GRAMD1A: variants seen among roughly 807,000 people sequenced by gnomAD.
GRAMD1A encodes protein Aster-A.
In GRAMD1A, 50 loss-of-function variants were observed where a neutral mutation model predicts 92.0. The ratio of observed to expected loss-of-function variants is 0.54; its 90% CI spans 0.43 to 0.69. The LOEUF is 0.69. Among genes scored for constraint, GRAMD1A ranks in the 30% least tolerant of loss-of-function variants. GRAMD1A has a pLI of 0.00. For synonymous variants in GRAMD1A, 405 were observed against 403.6 expected, an observed-to-expected ratio of 1.00 and a Z score of -0.04; for missense variants, 819 against 978.9, an observed-to-expected ratio of 0.84 and a Z score of 2.18.
At chr19:34,998,298 C>CTTTTTTTT (rs67881737), upstream of GRAMD1A, 4 of 76,932 alleles carry the variant, frequency 5.2e-5, no homozygotes, top group Non-Finnish European at 7.5e-5. Context: ...TATTTTCTTC[C>CTTTTTTTT]TTTTTTTTTT....
At chr19:35,005,607 G>A (rs2014753262) in intron 1 of GRAMD1A, among the ~76,000 whole-genome samples, 1 of 152,132 alleles carries the variant, frequency 6.6e-6, no homozygotes, top group Non-Finnish European at 1.5e-5. Context: ...GATGGCCCAG[G>A]GGAAAAGCAG....
At chr19:35,008,640 TA>T (rs2014995610) in intron 1 of GRAMD1A, among the ~76,000 whole-genome samples, 1 of 152,048 alleles carries the variant, frequency 6.6e-6, no homozygotes, top group African/African-American at 2.4e-5. Flanking sequence ...CCAACATGGT[TA>T]AACCCCATCT....
chr19:35,014,375 A>G lies in GRAMD1A; in HGVS notation c.1057A>G (p.Thr353Ala). Residue 353 changes from threonine (T) to alanine (A), a missense_variant, in exon 10 of 20, where the codon ACT (threonine) becomes GCT (alanine). Transcript: ENST00000317991. ...LTDTSNSSSS[T>A]GEEADLAALL... ...AGACACAAGTAACTCCTCTTCATCC[A>G]CTGGGGAGGAAGGTGAGGCAGGCGG... The G allele has an allele frequency of 6.2e-6, 10 of 1,613,310 alleles. No homozygotes were observed. Among genetic ancestry groups the G allele is most frequent in the Non-Finnish European group, 8.5e-6 (10 of 1,179,308 alleles).
intron 1 of GRAMD1A, chr19:35,002,825 T>C (rs1271660853): frequency 6.6e-6 from 1 of 152,412 alleles, no homozygotes; most frequent in Non-Finnish European, 1.5e-5. Context: ...CCTGGGACTA[T>C]GTATGTGTCA....
At chr19:35,023,366 T>C in intron 18 of GRAMD1A, 23 bp downstream of exon 18, 1 of 1,613,694 alleles carries the variant, frequency 6.2e-7, no homozygotes, top group East Asian at 2.2e-5. Flanking sequence ...CCTGGGGAAA[T>C]GGGGGGGCTT....
chr19:35,004,247 T>C (rs2014633143), intron 1 of GRAMD1A, among the ~76,000 whole-genome samples: 1 of 152,014 alleles, frequency 6.6e-6, no homozygotes, highest in African/African-American at 2.4e-5. Context: ...ATTTTGCCAC[T>C]GTACTGCAGC....
rs751797022 is a variant in GRAMD1A, at chr19:35,023,251, C to T, written c.1869C>T (p.Ile623=). 1.8e-5 allele frequency: 29 copies of T among 1,613,614 alleles called. No homozygotes were observed. In the Admixed American group the frequency reaches 3.0e-4, roughly 17 times the overall value. The change falls in exon 18 of 20, where the codon ATC becomes ATT. Residue 623 remains isoleucine (I), a synonymous_variant. Coordinates refer to ENST00000317991, the MANE Select transcript of GRAMD1A (RefSeq NM_020895.5). ...IVICVSLIIL[I]ALNVLLFYRL... is the part of the protein sequence containing the mutation. ...CTGTCCCCAGCCTTATCATCCTCAT[C>T]GCCCTCAACGTCCTGCTCTTCTACC...
intron 19 of GRAMD1A, 191 bp downstream of exon 19, chr19:35,023,738 C>G: frequency 1.8e-6 from 1 of 570,382 alleles, no homozygotes; most frequent in South Asian, 3.1e-5. Flanking sequence ...GAAGACAGAA[C>G]TGATTGGCTC....
chr19:35,010,230 G>A (rs1453654702), intron 5 of GRAMD1A, 35 bp downstream of exon 5: 3 of 1,588,808 alleles, frequency 1.9e-6, no homozygotes, highest in Admixed American at 1.7e-5. Flanking sequence ...CAGGGGCGGG[G>A]GCCCCCATGG....
chr19:34,998,274 A>G (rs2014122000), upstream of GRAMD1A: 1 of 150,976 alleles, frequency 6.6e-6, no homozygotes, highest in Admixed American at 6.6e-5. Context: ...TACAGGGGAC[A>G]TAGAGGACTG....
Position 35,010,331 on chromosome 19 carries a change from G to T in GRAMD1A, c.477G>T (p.Thr159=). The change falls in exon 6 of 20, where the codon ACG becomes ACT. Residue 159 remains threonine, a synonymous_variant. Transcript: ENST00000317991. ...KEVTCLKKEK[T]AKLIPNAIQI... ...TGACATGTCTGAAGAAGGAAAAGAC[G>T]GCCAAGCTGATCCCCAACGCCATCC... The T allele has an allele frequency of 6.2e-7, 1 of 1,613,992 alleles. No individual in the cohort carries two copies. Among genetic ancestry groups the T allele is most frequent in the South Asian group, 1.1e-5 (1 of 91,084 alleles).
intron 1 of GRAMD1A, among the ~76,000 whole-genome samples, chr19:35,006,684 A>G (rs1230297743): frequency 6.6e-6 from 1 of 152,304 alleles, no homozygotes; most frequent in East Asian, 1.9e-4. Flanking sequence ...GCCAGCGTGC[A>G]GATTATTCAT....
At chr19:35,009,780 T>C in intron 3 of GRAMD1A, 108 bp from the exon 4 acceptor site, 1 of 771,064 alleles carries the variant, frequency 1.3e-6, no homozygotes. Flanking sequence ...GTTGTGTGCG[T>C]TGGAATCTGT....
intron 6 of GRAMD1A, 53 bp from the exon 7 acceptor site, chr19:35,011,421 T>G: frequency 1.5e-6 from 2 of 1,374,022 alleles, no homozygotes; most frequent in Non-Finnish European, 2.1e-6. Flanking sequence ...CCCACCTCTG[T>G]CCTGGTCGCT....
rs565214962 is a variant in GRAMD1A at position 35,013,081 on chromosome 19, A to G, written c.607-175A>G. 2 of 573,236 alleles carry G rather than the reference A, an allele frequency of 3.5e-6. No individual in the cohort carries two copies. The highest frequency in any genetic ancestry group is 4.3e-5 in the South Asian group (2 of 46,174). The allele number at this position is 573,236 out of a possible 1,614,324, so 35.5% of individuals were successfully genotyped here. A position where few individuals can be genotyped will look rare whatever the true frequency, so the allele number is the denominator to read the frequency against. ...TTTGAGTCCTGGGCGCAGGCCCTGG[A>G]GGGGCTGTAGCAGGGGATTCCCCGC... On this transcript the variant is annotated intron_variant, in intron 7 of 19. Coordinates refer to ENST00000317991, the MANE Select transcript of GRAMD1A (RefSeq NM_020895.5). The surrounding 1 kb of genome is among the most constrained non-coding windows in gnomAD (Gnocchi z 4.9).
At chr19:35,017,447 CAA>C (rs1009332404) in intron 11 of GRAMD1A, among the ~76,000 whole-genome samples, 11 of 152,188 alleles carry the variant, frequency 7.2e-5, no homozygotes, top group African/African-American at 2.6e-4. Context: ...CATGTCTCAT[CAA>C]TACAGAAAAA....
intron 19 of GRAMD1A, 27 bp downstream of exon 19, chr19:35,023,574 C>A: frequency 6.5e-7 from 1 of 1,543,088 alleles, no homozygotes. Flanking sequence ...GGGCAGGGCT[C>A]GGGGCTGCGG....
intron 1 of GRAMD1A, among the ~76,000 whole-genome samples, chr19:35,003,183 T>TGA (rs138888435): frequency 1.4e-4 from 21 of 146,414 alleles, no homozygotes; most frequent in African/African-American, 3.8e-4. Flanking sequence ...TGTGTGCATA[T>TGA]GAGAGAGAGA....
chr19:35,000,187 C>A, upstream of GRAMD1A: 1 of 1,013,708 alleles, frequency 9.9e-7, no homozygotes, highest in Non-Finnish European at 1.2e-6. This position sits in a 1 kb window ranked among gnomAD's most constrained non-coding sequence, Gnocchi z 4.9. Context: ...CCTCTCTCCC[C>A]GGCTTCTCCC....
Sources: gnomAD v4.1 joint callset for allele counts (sites outside exome capture counted in the v4.1 genomes callset) on GRCh38, gnomAD v4.1.1 for gene constraint, Gnocchi (gnomAD v3.1) non-coding constraint, MANE v1.5 for transcripts, NCBI Gene and HGNC (gene_info 2026-07-23, HGNC 2026-07-21) for gene names.